MMP26: variants seen among roughly 807,000 people sequenced by gnomAD.
MMP26 encodes matrix metallopeptidase 26.
In MMP26, 33 loss-of-function variants were observed where a neutral mutation model predicts 31.0. That is an observed-to-expected ratio of 1.06 (90% CI 0.81 to 1.42). The LOEUF (loss-of-function observed/expected upper bound fraction) is 1.42. MMP26 is among the 40% of genes most tolerant of loss of function. The pLI is 0.00. For missense variants in MMP26, 347 were observed against 316.1 expected, an observed-to-expected ratio of 1.10 and a Z score of -0.74; for synonymous variants, 122 against 114.9, an observed-to-expected ratio of 1.06 and a Z score of -0.40.
chr11:4,867,536 A>C (rs1850253496), intron 2 of MMP26, among the ~76,000 whole-genome samples: 1 of 151,814 alleles, frequency 6.6e-6, no homozygotes. Flanking sequence ...GATTACAGGC[A>C]TGCACCATCA....
At chr11:4,952,889 C>A (rs1846388049) in intron 2 of MMP26, among the ~76,000 whole-genome samples, 1 of 124,350 alleles carries the variant, frequency 8.0e-6, no homozygotes, top group African/African-American at 2.7e-5. Flanking sequence ...CAGCTGTGGG[C>A]TGATTATTTT....
At chr11:4,791,799 T>C (rs1849032068) in intron 2 of MMP26, among the ~76,000 whole-genome samples, 1 of 151,886 alleles carries the variant, frequency 6.6e-6, no homozygotes, top group African/African-American at 2.4e-5. Flanking sequence ...CAGTGTTGGG[T>C]TCCAGATTTC....
At chr11:4,957,752 C>T (rs1846464127) in intron 2 of MMP26, among the ~76,000 whole-genome samples, 2 of 151,716 alleles carry the variant, frequency 1.3e-5, no homozygotes, top group Non-Finnish European at 2.9e-5. Context: ...GATCTCGCCT[C>T]ACTGCAACCT....
At chr11:4,726,454 C>A (rs987637354) in intron 1 of MMP26, among the ~76,000 whole-genome samples, 49 of 150,702 alleles carry the variant, frequency 3.3e-4, no homozygotes, top group African/African-American at 1.2e-3. Flanking sequence ...AAGAGTGCAA[C>A]TTCATTAAAA....
chr11:4,943,398 C>T (rs928579966), intron 2 of MMP26: 2 of 439,460 alleles, frequency 4.6e-6, no homozygotes, highest in Non-Finnish European at 9.2e-6. Flanking sequence ...ATCAGATTGC[C>T]CCTAGGTGCT....
chr11:4,861,069 A>G (rs1361603959), intron 2 of MMP26, among the ~76,000 whole-genome samples: 2 of 149,618 alleles, frequency 1.3e-5, no homozygotes, highest in African/African-American at 4.9e-5. Context: ...TTATATATAT[A>G]TATATATCAT....
intron 2 of MMP26, among the ~76,000 whole-genome samples, chr11:4,831,764 G>T (rs1849649197): frequency 6.6e-6 from 1 of 152,132 alleles, no homozygotes; most frequent in Non-Finnish European, 1.5e-5. Context: ...CGTGATAGTA[G>T]ATTATAACAC....
intron 2 of MMP26, chr11:4,938,249 G>A (rs72858189): frequency 0.13 from 19,821 of 152,110 alleles, 1,534 homozygotes; most frequent in South Asian, 0.37. Context: ...ATCCCGATAA[G>A]GAGGAATCTA....
intron 2 of MMP26, among the ~76,000 whole-genome samples, chr11:4,814,622 A>G (rs1442187343): frequency 2.6e-5 from 4 of 152,174 alleles, no homozygotes; most frequent in Non-Finnish European, 4.4e-5. Flanking sequence ...TCTACAAACC[A>G]GGTTGTGTTC....
chr11:4,989,669 C>G lies in MMP26; in HGVS notation c.121C>G (p.Leu41Val), dbSNP rs1267615223. 3 of 1,612,782 alleles carry G rather than the reference C, an allele frequency of 1.9e-6. No individual in the cohort carries two copies. The highest frequency in any genetic ancestry group is 1.7e-4 in the Middle Eastern group (1 of 6,060). ...FVEGYFHQFF[L>V]TKKESPLLTQ... is the part of the protein sequence containing the mutation. ...TCAGGGCTATTTCCATCAATTTTTCCTGACCAAGAAGGAGTCGCCACTCCT... is the reference window on the plus strand; with the variant it reads ...TCAGGGCTATTTCCATCAATTTTTCGTGACCAAGAAGGAGTCGCCACTCCT... The change falls in exon 4 of 8, where the codon CTG becomes GTG. Residue 41 changes from leucine to valine, a missense_variant. Transcript: ENST00000380390.
At chr11:4,834,443 C>T (rs75332296) in intron 2 of MMP26, among the ~76,000 whole-genome samples, 3,091 of 152,268 alleles carry the variant, frequency 0.02, 91 homozygotes, top group African/African-American at 0.07. Flanking sequence ...CTTTAGGAGT[C>T]ACTAGGACTG....
intron 1 of MMP26, chr11:4,718,905 C>A (rs116014701): frequency 0.019 from 3,474 of 183,718 alleles, 149 homozygotes; most frequent in African/African-American, 0.079. Flanking sequence ...GCTTTAATGC[C>A]CGCTTGTCCC....
At chr11:4,709,700 T>C (rs777299437) in intron 1 of MMP26, 2 of 459,372 alleles carry the variant, frequency 4.4e-6, no homozygotes, top group African/African-American at 4.0e-5. Context: ...TCTCTGGGAA[T>C]GGCATGATCC....
At chr11:4,752,173 G>C (rs1335331709) in intron 1 of MMP26, 5 of 152,112 alleles carry the variant, frequency 3.3e-5, no homozygotes, top group Non-Finnish European at 7.3e-5. Context: ...ACATAGGGTG[G>C]GGCATGTTTT....
intron 2 of MMP26, among the ~76,000 whole-genome samples, chr11:4,892,252 C>G (rs1850635978): frequency 6.6e-6 from 1 of 152,072 alleles, no homozygotes; most frequent in South Asian, 2.1e-4. Flanking sequence ...GGATATCAGC[C>G]ACTCTCTCTC....
intron 2 of MMP26, among the ~76,000 whole-genome samples, chr11:4,982,044 C>A (rs1846820942): frequency 6.6e-6 from 1 of 150,484 alleles, no homozygotes; most frequent in Non-Finnish European, 1.5e-5. Context: ...TTGCAGTTAA[C>A]TTTACATATA....
intron 2 of MMP26, among the ~76,000 whole-genome samples, chr11:4,953,513 C>T (rs1387173318): frequency 8.0e-6 from 1 of 124,426 alleles, no homozygotes; most frequent in African/African-American, 2.7e-5. Context: ...GGTCATAATA[C>T]AAGCTTGGGC....
intron 1 of MMP26, among the ~76,000 whole-genome samples, chr11:4,738,232 T>C (rs560491135): frequency 6.6e-6 from 1 of 152,346 alleles, no homozygotes; most frequent in South Asian, 2.1e-4. Flanking sequence ...CTGTGTCTGC[T>C]TCTGCAATTT....
rs375855179 is a variant in MMP26, at chr11:4,795,703, T to TA, written c.-145+28369dup. 4.5e-3 allele frequency among the ~76,000 whole-genome samples: 683 copies of TA among 152,274 alleles called. 4 individuals carry two copies. The highest frequency in any genetic ancestry group is 0.015 in the African/African-American group (613 of 41,558). ...TTTCCACATAAAAGTCAATTACATCTAAAAAAATTACTTTATTATGCCTGT... is the reference window on the plus strand; with the variant it reads ...TTTCCACATAAAAGTCAATTACATCTAAAAAAAATTACTTTATTATGCCTGT... On this transcript the variant is annotated intron_variant, in intron 2 of 7. Coordinates refer to ENST00000380390, the MANE Select transcript of MMP26 (RefSeq NM_021801.5).
Sources: allele counts gnomAD v4.1 joint callset (sites outside exome capture counted in the v4.1 genomes callset), GRCh38; gene constraint gnomAD v4.1.1; transcripts MANE v1.5; gene names NCBI Gene and HGNC (gene_info 2026-07-23, HGNC 2026-07-21).